Variants in GRM1 observed in about 807,000 individuals in gnomAD.
GRM1 encodes metabotropic glutamate receptor 1.
In GRM1, 33 loss-of-function variants were observed where a neutral mutation model predicts 90.9. That is an observed-to-expected ratio of 0.36 (90% CI 0.28 to 0.49). GRM1 has a LOEUF of 0.49. GRM1 is among the 20% of genes least tolerant of loss of function. The probability of loss-of-function intolerance (pLI) is 0.99; values close to 1 mark genes in which losing one functional copy is unlikely to be tolerated. For synonymous variants in GRM1, 700 were observed against 613.2 expected, an observed-to-expected ratio of 1.14 and a Z score of -2.09; for missense variants, 1,190 against 1,534.3, an observed-to-expected ratio of 0.78 and a Z score of 3.75.
chr6:146,352,490 C>T lies in GRM1; in HGVS notation c.1427C>T (p.Pro476Leu). 3 of 1,613,708 alleles carry T rather than the reference C, an allele frequency of 1.9e-6. No homozygotes were observed. Among genetic ancestry groups the T allele is most frequent in the Non-Finnish European group, 2.5e-6 (3 of 1,179,804 alleles). ...EVWFDEKGDA[P>L]GRYDIMNLQY... ...TGGTTTGATGAGAAAGGAGACGCTC[C>T]TGGAAGGTAATCTTTTCAGTAATCA... The change falls in exon 4 of 8, where the codon CCT becomes CTT. Residue 476 changes from proline to leucine, a missense_variant. Physicochemically the swap from Pro to Leu is moderately conservative, Grantham distance 98. Coordinates refer to ENST00000282753, the MANE Select transcript of GRM1 (RefSeq NM_001278064.2).
intron 2 of GRM1, among the ~76,000 whole-genome samples, chr6:146,251,514 T>G (rs1781272916): frequency 6.6e-6 from 1 of 152,208 alleles, no homozygotes; most frequent in African/African-American, 2.4e-5. Context: ...ATATTAGAAG[T>G]GAGGGGCAGC....
chr6:146,255,341 C>T (rs1781441130), intron 2 of GRM1, among the ~76,000 whole-genome samples: 1 of 152,102 alleles, frequency 6.6e-6, no homozygotes, highest in Admixed American at 6.6e-5. Context: ...TTATTAGACT[C>T]ATAATACATT....
At chr6:146,263,318 A>G (rs1215717097) in intron 2 of GRM1, among the ~76,000 whole-genome samples, 2 of 152,030 alleles carry the variant, frequency 1.3e-5, no homozygotes, top group African/African-American at 4.8e-5. Context: ...AATTATAACT[A>G]AATCACTGAA....
rs1321580761 is a variant in GRM1 at position 146,298,123 on chromosome 6, CTCTACATTCATTT to C, written c.951-6486_951-6474del. On this transcript the variant is annotated intron_variant, in intron 2 of 7. Coordinates refer to ENST00000282753, the MANE Select transcript of GRM1 (RefSeq NM_001278064.2). Reference sequence around the variant, plus strand: ...ACAATTTAGTCATAACTCATTCATTCTCTACATTCATTTTATAAACCCCTAACTTCTTATTATT... The same window carrying C: ...ACAATTTAGTCATAACTCATTCATTCTATAAACCCCTAACTTCTTATTATT... 2.0e-5 allele frequency among the ~76,000 whole-genome samples: 3 copies of C among 152,120 alleles called. No individual in the cohort carries two copies. In the East Asian group the frequency reaches 5.8e-4, roughly 29 times the overall value.
intron 1 of GRM1, among the ~76,000 whole-genome samples, chr6:146,139,395 A>G (rs1314405420): frequency 2.0e-5 from 3 of 152,172 alleles, no homozygotes; most frequent in African/African-American, 7.2e-5. Flanking sequence ...GATCTGTCCA[A>G]TGCTGAAAGT....
chr6:146,365,063 C>G (rs1562641311), intron 5 of GRM1: 1 of 152,106 alleles, frequency 6.6e-6, no homozygotes, highest in Non-Finnish European at 1.5e-5. Context: ...CTTCTCAATT[C>G]TACTGCAAAA....
chr6:146,079,287 C>T (rs752098278), intron 1 of GRM1, among the ~76,000 whole-genome samples: 11 of 152,162 alleles, frequency 7.2e-5, no homozygotes, highest in Non-Finnish European at 1.6e-4. Flanking sequence ...AGTTTAAAGG[C>T]AACATTCCAT....
intron 2 of GRM1, among the ~76,000 whole-genome samples, chr6:146,245,163 A>T (rs1271661802): frequency 6.6e-6 from 1 of 152,216 alleles, no homozygotes; most frequent in Non-Finnish European, 1.5e-5. Context: ...ATATAAATTT[A>T]ATTGTATAGA....
intron 4 of GRM1, among the ~76,000 whole-genome samples, chr6:146,354,944 G>A (rs57630811): frequency 5.4e-4 from 81 of 150,938 alleles, no homozygotes; most frequent in African/African-American, 1.9e-3. Context: ...TTAAAAAAAT[G>A]TGTTTTATAC....
At chr6:146,138,141 C>A (rs1776697809) in intron 1 of GRM1, among the ~76,000 whole-genome samples, 1 of 151,746 alleles carries the variant, frequency 6.6e-6, no homozygotes, top group African/African-American at 2.4e-5. Context: ...ATTTGGATGC[C>A]TTTTATATCT....
intron 1 of GRM1, among the ~76,000 whole-genome samples, chr6:146,077,412 C>T (rs1265127269): frequency 2.0e-5 from 3 of 152,292 alleles, no homozygotes; most frequent in Non-Finnish European, 2.9e-5. Flanking sequence ...CACCCTTCTG[C>T]ACTCCTCTCC....
At chr6:146,409,987 C>A (rs1177740250) in intron 7 of GRM1, among the ~76,000 whole-genome samples, 5 of 152,184 alleles carry the variant, frequency 3.3e-5, no homozygotes, top group Admixed American at 1.3e-4. Flanking sequence ...TCTCAAGTTA[C>A]CATGCTCCTA....
intron 1 of GRM1, among the ~76,000 whole-genome samples, chr6:146,123,120 C>T (rs969024720): frequency 1.3e-5 from 2 of 151,924 alleles, no homozygotes; most frequent in African/African-American, 2.4e-5. Context: ...TGGGATTACA[C>T]GTGTGAGCCA....
chr6:146,242,058 C>T (rs146475169), intron 2 of GRM1, among the ~76,000 whole-genome samples: 37 of 152,124 alleles, frequency 2.4e-4, no homozygotes, highest in African/African-American at 5.8e-4. Flanking sequence ...GAATAGTATT[C>T]CAAGGAGCAG....
At chr6:146,319,186 G>C (rs1016354792) in intron 3 of GRM1, among the ~76,000 whole-genome samples, 4 of 152,090 alleles carry the variant, frequency 2.6e-5, no homozygotes, top group African/African-American at 9.7e-5. Context: ...GTGTAAGGAA[G>C]GGGTCCAGTT....
chr6:146,370,163 G>A (rs1446974059), intron 5 of GRM1, among the ~76,000 whole-genome samples: 1 of 152,024 alleles, frequency 6.6e-6, no homozygotes, highest in African/African-American at 2.4e-5. Context: ...TAAAGACTCA[G>A]CCTTTCTTGA....
At chr6:146,197,950 C>T (rs933014836) in intron 2 of GRM1, among the ~76,000 whole-genome samples, 5 of 152,128 alleles carry the variant, frequency 3.3e-5, no homozygotes, top group African/African-American at 7.2e-5. Flanking sequence ...CAGTATTGTA[C>T]ACTTCAAAAT....
rs362971 is a variant in GRM1, at chr6:146,327,350, C to G, written c.1186+22504C>G. ...TAGGTGTTATGAAATTATGTTCTGT[C>G]TCTAGAGGTGGGCAACAAATATGAC... is the stretch of plus-strand genomic sequence containing the variant. On this transcript the variant is annotated intron_variant, in intron 3 of 7. Transcript: ENST00000282753. 9.7e-3 allele frequency among the ~76,000 whole-genome samples: 1,469 copies of G among 152,190 alleles called. 22 individuals are homozygous for G. The highest frequency in any genetic ancestry group is 0.034 in the African/African-American group (1,391 of 41,522).
chr6:146,166,110 G>C (rs1479033712), intron 2 of GRM1, among the ~76,000 whole-genome samples: 1 of 152,102 alleles, frequency 6.6e-6, no homozygotes, highest in East Asian at 1.9e-4. Context: ...ATGCTGATCA[G>C]AGACAATATG....
Sources: gnomAD v4.1 joint callset for allele counts (sites outside exome capture counted in the v4.1 genomes callset) on GRCh38, gnomAD v4.1.1 for gene constraint, MANE v1.5 for transcripts, NCBI Gene and HGNC (gene_info 2026-07-23, HGNC 2026-07-21) for gene names.